The following DNAJB14 variants were observed in gnomAD, a reference collection of about 807,000 sequenced individuals.
The protein encoded by DNAJB14 is dnaJ homolog subfamily B member 14.
Under a neutral mutation model 48.4 loss-of-function variants are expected in DNAJB14, and 22 were observed. That is an observed-to-expected ratio of 0.45 (90% CI 0.32 to 0.65). The LOEUF (loss-of-function observed/expected upper bound fraction) is 0.65. DNAJB14 is among the 30% of genes least tolerant of loss of function. DNAJB14 has a pLI of 0.03. For missense variants in DNAJB14, 319 were observed against 458.8 expected, an observed-to-expected ratio of 0.70 and a Z score of 2.78; for synonymous variants, 142 against 158.7, an observed-to-expected ratio of 0.89 and a Z score of 0.79.
Position 99,935,096 on chromosome 4 carries a change from AT to A in DNAJB14, c.134-4476del, listed in dbSNP as rs541222200. ...AGGAGTACTGAAGAAAAACAAAAAAATAGAACAAATAAACTTTTCTGACATA... is the reference window on the plus strand; with the variant it reads ...AGGAGTACTGAAGAAAAACAAAAAAAAGAACAAATAAACTTTTCTGACATA... On this transcript the variant is annotated intron_variant, in intron 1 of 7. Transcript: ENST00000442697. 1.5e-3 allele frequency among the ~76,000 whole-genome samples: 228 copies of A among 152,208 alleles called. 1 individual carries two copies. The highest frequency in any genetic ancestry group is 5.2e-3 in the African/African-American group (218 of 41,562).
chr4:99,901,274 C>G (rs1189736879), intron 7 of DNAJB14, 122 bp from the exon 8 acceptor site: 2 of 932,586 alleles, frequency 2.1e-6, no homozygotes, highest in Non-Finnish European at 3.0e-6. Context: ...TAAAAAAAAT[C>G]AAAGTACAAT....
chr4:99,915,590 A>G (rs1374158220), intron 3 of DNAJB14, among the ~76,000 whole-genome samples: 1 of 152,156 alleles, frequency 6.6e-6, no homozygotes. Context: ...TGGTTAGTGA[A>G]CATACTTGTA....
intron 1 of DNAJB14, among the ~76,000 whole-genome samples, chr4:99,941,304 G>A (rs528503264): frequency 2.9e-4 from 44 of 152,276 alleles, no homozygotes; most frequent in Admixed American, 2.4e-3. Flanking sequence ...ACTAAGCATG[G>A]AATGAGTAGT....
chr4:99,927,360 T>C (rs759662693), intron 2 of DNAJB14: 1 of 152,214 alleles, frequency 6.6e-6, no homozygotes, highest in Non-Finnish European at 1.5e-5. Context: ...TAAGGAAACA[T>C]TTATTTATTC....
intron 2 of DNAJB14, chr4:99,924,770 G>A (rs1284490007): frequency 2.5e-6 from 4 of 1,611,606 alleles, no homozygotes; most frequent in Non-Finnish European, 3.4e-6. Context: ...TGTGTGTTAG[G>A]TACAGGTCCA....
chr4:99,945,660 T>C (rs1424722405), intron 1 of DNAJB14, among the ~76,000 whole-genome samples: 1 of 152,222 alleles, frequency 6.6e-6, no homozygotes, highest in Non-Finnish European at 1.5e-5. Context: ...TTCTGAGGAA[T>C]AAATGAAATA....
intron 1 of DNAJB14, among the ~76,000 whole-genome samples, chr4:99,932,719 G>A (rs888564572): frequency 1.7e-4 from 26 of 151,946 alleles, no homozygotes. Flanking sequence ...TATTCACAAT[G>A]GCAAAAAGAT....
Position 99,923,043 on chromosome 4 carries a change from T to C in DNAJB14, c.448A>G (p.Lys150Glu). ...NHAPGATDAF[K>E]KIGNAYAVLS... The stretch of plus-strand genomic sequence containing the variant: ...TGCTTTAAAAGGTTTACTTTACTTT[T>C]AAAAGCATCTGTTGCTCCAGGTGCA... Residue 150 changes from lysine to glutamate, a missense_variant, in exon 3 of 8, where the codon AAA becomes GAA. Transcript: ENST00000442697. 6.3e-7 allele frequency: 1 copy of C among 1,599,104 alleles called. No individual in the cohort carries two copies. Among genetic ancestry groups the C allele is most frequent in the South Asian group, 1.1e-5 (1 of 88,512 alleles).
At chr4:99,939,966 T>C (rs1726830136) in intron 1 of DNAJB14, among the ~76,000 whole-genome samples, 3 of 152,186 alleles carry the variant, frequency 2.0e-5, no homozygotes, top group Non-Finnish European at 4.4e-5. Flanking sequence ...TATGAAAAAT[T>C]TTATCCAATC....
chr4:99,921,746 G>A (rs1356109106), intron 3 of DNAJB14, among the ~76,000 whole-genome samples: 2 of 152,098 alleles, frequency 1.3e-5, no homozygotes, highest in Non-Finnish European at 2.9e-5. Flanking sequence ...TGGTAACTCT[G>A]TGACTGCATA....
chr4:99,935,078 C>T (rs1726623978), intron 1 of DNAJB14, among the ~76,000 whole-genome samples: 1 of 151,278 alleles, frequency 6.6e-6, no homozygotes, highest in African/African-American at 2.4e-5. Context: ...AATAGGAGTA[C>T]TGAAGAAAAA....
intron 4 of DNAJB14, 31 bp downstream of exon 4, chr4:99,908,680 A>G: frequency 1.4e-6 from 2 of 1,474,794 alleles, no homozygotes; most frequent in Non-Finnish European, 9.1e-7. Flanking sequence ...TAGCTTCATA[A>G]AATATAATAT....
At chr4:99,904,230 G>T (rs941826770) in intron 6 of DNAJB14, among the ~76,000 whole-genome samples, 2 of 152,122 alleles carry the variant, frequency 1.3e-5, no homozygotes, top group Non-Finnish European at 2.9e-5. Flanking sequence ...TTCTGGTGAT[G>T]CTAATATGCT....
intron 1 of DNAJB14, among the ~76,000 whole-genome samples, chr4:99,944,366 T>C (rs1389460366): frequency 6.6e-6 from 1 of 152,194 alleles, no homozygotes; most frequent in Non-Finnish European, 1.5e-5. Flanking sequence ...ATAGAATTAC[T>C]GTATGATCCT....
intron 1 of DNAJB14, among the ~76,000 whole-genome samples, chr4:99,943,985 A>C (rs992124415): frequency 6.6e-6 from 1 of 152,204 alleles, no homozygotes; most frequent in African/African-American, 2.4e-5. Flanking sequence ...TGCAAATCAC[A>C]TATCTGATAA....
intron 3 of DNAJB14, among the ~76,000 whole-genome samples, chr4:99,909,454 C>T (rs1725583648): frequency 6.6e-6 from 1 of 151,836 alleles, no homozygotes; most frequent in South Asian, 2.1e-4. Context: ...TTCTATTATC[C>T]CAAACAATTT....
At chr4:99,919,751 A>C (rs1725988407) in intron 3 of DNAJB14, among the ~76,000 whole-genome samples, 1 of 151,874 alleles carries the variant, frequency 6.6e-6, no homozygotes, top group Non-Finnish European at 1.5e-5. Flanking sequence ...TGGGGTTTTC[A>C]GTTGTACTCA....
At chr4:99,941,615 T>C (rs751789280) in intron 1 of DNAJB14, among the ~76,000 whole-genome samples, 2 of 152,138 alleles carry the variant, frequency 1.3e-5, no homozygotes, top group Non-Finnish European at 2.9e-5. Context: ...GAAGGTAAGC[T>C]CCATGAGGAC....
In DNAJB14 at chr4:99,940,484, C is replaced by T. The variant is rs1303277750; in HGVS notation, c.133+5955G>A. ...ACACACGCCTGTAGTCCTAGCTACT[C>T]GGAGGCTGAGGCAAGATAATCGCTT... On this transcript the variant is annotated intron_variant, in intron 1 of 7. Transcript: ENST00000442697. 2.0e-5 allele frequency among the ~76,000 whole-genome samples: 3 copies of T among 151,878 alleles called. No individual in the cohort carries two copies. In the East Asian group the frequency reaches 5.8e-4, roughly 29 times the overall value.
Sources: allele counts gnomAD v4.1 joint callset (sites outside exome capture counted in the v4.1 genomes callset), GRCh38; gene constraint gnomAD v4.1.1; transcripts MANE v1.5; gene names NCBI Gene and HGNC (gene_info 2026-07-23, HGNC 2026-07-21).